The following TRHDE variants were observed in gnomAD, a reference collection of about 807,000 sequenced individuals.
TRHDE encodes the protein thyrotropin releasing hormone degrading enzyme.
In TRHDE, 72 loss-of-function variants were observed where a neutral mutation model predicts 125.7. The observed-to-expected ratio is 0.57, with a 90% CI of 0.47 to 0.70. The LOEUF is 0.70. Among genes scored for constraint, TRHDE ranks in the 30% least tolerant of loss-of-function variants. TRHDE has a pLI of 0.00. For synonymous variants in TRHDE, 509 were observed against 509.1 expected (o/e 1.00, Z 0.00); for missense variants, 1,110 against 1,327.1 (o/e 0.84, Z 2.54).
intron 1 of TRHDE, among the ~76,000 whole-genome samples, chr12:72,089,561 T>C (rs1874744533): frequency 6.6e-6 from 1 of 152,178 alleles, no homozygotes; most frequent in Non-Finnish European, 1.5e-5. Flanking sequence ...ATGCTCTTCC[T>C]TCATGTATTT....
In TRHDE at chr12:72,614,325, TA is replaced by T. The variant is rs1872734794; in HGVS notation, c.2322-4565del. 7.5e-5 allele frequency among the ~76,000 whole-genome samples: 3 copies of T among 39,870 alleles called. No homozygotes were observed. In the South Asian group the frequency reaches 2.9e-3, roughly 39 times the overall value. The allele number at this position is 39,870 out of a possible 152,430, so 26.2% of individuals were successfully genotyped here. A position where few individuals can be genotyped will look rare whatever the true frequency, so the allele number is the denominator to read the frequency against. ...ATATATACATATGTATATATATATATATATATTTTTTTTTTCTCTAGAAACT... is the reference window on the plus strand; with the variant it reads ...ATATATACATATGTATATATATATATTATATTTTTTTTTTCTCTAGAAACT... On this transcript the variant is annotated intron_variant, in intron 12 of 18. Coordinates refer to ENST00000261180, the MANE Select transcript of TRHDE (RefSeq NM_013381.3).
chr12:72,489,488 A>G (rs1427664827), intron 5 of TRHDE, among the ~76,000 whole-genome samples: 3 of 151,884 alleles, frequency 2.0e-5, no homozygotes. Flanking sequence ...GAAATAGAAG[A>G]AAACAATTCT....
chr12:72,447,092 C>G (rs935878182), intron 3 of TRHDE, among the ~76,000 whole-genome samples: 2 of 152,120 alleles, frequency 1.3e-5, no homozygotes, highest in African/African-American at 2.4e-5. Flanking sequence ...CGCACTTATT[C>G]CGAAATTGAC....
chr12:72,300,325 G>A (rs2135685348), intron 2 of TRHDE, among the ~76,000 whole-genome samples: 1 of 150,982 alleles, frequency 6.6e-6, no homozygotes, highest in South Asian at 2.1e-4. Context: ...GACAAGAATT[G>A]TTTCCAGTGA....
At position 72,377,713 on chromosome 12, in the gene TRHDE, G is replaced by A. The variant is rs567270548; in HGVS notation, c.1189-282G>A. ...TCCTATCTCTAGCAAGCACATGTAA[G>A]TGATAACGTTGAATATTTATTTTGA... On this transcript the variant is annotated intron_variant, in intron 2 of 18. Transcript: ENST00000261180. 1.8e-4 allele frequency among the ~76,000 whole-genome samples: 27 copies of A among 152,206 alleles called. No homozygotes were observed. In the South Asian group the frequency reaches 4.8e-3, roughly 27 times the overall value.
At chr12:72,123,827 A>T (rs535602373) in intron 2 of TRHDE, among the ~76,000 whole-genome samples, 1 of 152,092 alleles carries the variant, frequency 6.6e-6, no homozygotes, top group Non-Finnish European at 1.5e-5. Context: ...ATGCCTCATT[A>T]CAATCATCCT....
rs1488872483 is a variant in TRHDE at position 72,621,206 on chromosome 12, G to A, written c.2567+1G>A. The A allele has an allele frequency of 1.9e-6, 3 of 1,595,602 alleles. No homozygotes were observed. Among genetic ancestry groups the A allele is most frequent in the South Asian group, 2.2e-5 (2 of 90,684 alleles). On this transcript the variant is annotated splice_donor_variant, in intron 14 of 18. Coordinates refer to ENST00000261180, the MANE Select transcript of TRHDE (RefSeq NM_013381.3). LOFTEE classifies it high-confidence loss of function. ...TTGTTCAAGCATCCTACCAACATGA[G>A]TACTGTTTTATTTTCTTATCCTCTT...
intron 12 of TRHDE, among the ~76,000 whole-genome samples, chr12:72,592,750 A>T (rs1445305526): frequency 6.8e-6 from 1 of 147,266 alleles, no homozygotes; most frequent in Non-Finnish European, 1.5e-5. Context: ...CACTCTTGCT[A>T]CTCAGGCTGA....
intron 12 of TRHDE, among the ~76,000 whole-genome samples, chr12:72,591,386 CACCAAATAAA>C (rs1393867773): frequency 6.6e-6 from 1 of 152,056 alleles, no homozygotes; most frequent in African/African-American, 2.4e-5. Flanking sequence ...CAATTTACCC[CACCAAATAAA>C]ATATAGAAAT....
chr12:72,540,422 G>T (rs1463005451), intron 6 of TRHDE, among the ~76,000 whole-genome samples: 1 of 151,658 alleles, frequency 6.6e-6, no homozygotes, highest in African/African-American at 2.4e-5. Flanking sequence ...TGATCAGAAA[G>T]CATTCTTGTG....
intron 1 of TRHDE, among the ~76,000 whole-genome samples, chr12:72,280,240 C>A (rs972805849): frequency 1.3e-5 from 2 of 152,098 alleles, no homozygotes; most frequent in Non-Finnish European, 2.9e-5. Flanking sequence ...TAATGATATT[C>A]TATTGTACAG....
chr12:72,538,176 T>A (rs1868962242), intron 6 of TRHDE, among the ~76,000 whole-genome samples: 1 of 152,014 alleles, frequency 6.6e-6, no homozygotes, highest in Non-Finnish European at 1.5e-5. Context: ...TGAATTTGCT[T>A]CTAGCTTTCT....
chr12:72,266,284 A>C (rs1879067544), intron 2 of TRHDE, among the ~76,000 whole-genome samples: 1 of 151,982 alleles, frequency 6.6e-6, no homozygotes, highest in Non-Finnish European at 1.5e-5. Flanking sequence ...TCATGGTTTG[A>C]GAGGTGAGGC....
At position 72,095,895 on chromosome 12, in the gene TRHDE, A is replaced by G. The variant is rs577520294; in HGVS notation, n.174+8456A>G. Among the ~76,000 whole-genome samples, 30 of 152,318 alleles carry G rather than the reference A, an allele frequency of 2.0e-4. No homozygotes were observed. The Middle Eastern group carries it at 0.01, about 52-fold the overall frequency. On this transcript the variant is annotated intron_variant and non_coding_transcript_variant, in intron 1 of 4. Transcript: ENST00000548156. Reference sequence around the variant, plus strand: ...TAAATCAGTGGAATTTGAGTAAAGCAGATTGCCCTCTATAATGTGGTTGGG... The same window carrying G: ...TAAATCAGTGGAATTTGAGTAAAGCGGATTGCCCTCTATAATGTGGTTGGG...
intron 2 of TRHDE, among the ~76,000 whole-genome samples, chr12:72,227,885 C>T (rs1441576353): frequency 1.3e-5 from 2 of 152,190 alleles, no homozygotes; most frequent in Non-Finnish European, 2.9e-5. Context: ...AAATGATCTT[C>T]TTTGGCTCCA....
chr12:72,310,687 A>G (rs979910439), intron 2 of TRHDE, among the ~76,000 whole-genome samples: 5 of 152,076 alleles, frequency 3.3e-5, no homozygotes, highest in East Asian at 3.9e-4. Context: ...GAAGAAAAAA[A>G]ATATTGGCGA....
chr12:72,110,121 G>T (rs1368110332), intron 2 of TRHDE, among the ~76,000 whole-genome samples: 1 of 152,094 alleles, frequency 6.6e-6, no homozygotes, highest in South Asian at 2.1e-4. Context: ...CTGGGAATCT[G>T]CAAGTTTAAG....
intron 3 of TRHDE, 22 bp downstream of exon 3, chr12:72,378,143 T>G: frequency 6.4e-7 from 1 of 1,566,306 alleles, no homozygotes; most frequent in Non-Finnish European, 8.6e-7. Context: ...CTTGGTTATT[T>G]TATTGGAAGG....
At chr12:72,612,467 C>T (rs1872665936) in intron 12 of TRHDE, among the ~76,000 whole-genome samples, 1 of 152,166 alleles carries the variant, frequency 6.6e-6, no homozygotes, top group Non-Finnish European at 1.5e-5. Context: ...TGAGAGGTTG[C>T]CTCATGGGGT....
Sources: allele counts gnomAD v4.1 joint callset (sites outside exome capture counted in the v4.1 genomes callset), GRCh38; gene constraint gnomAD v4.1.1; transcripts MANE v1.5; gene names NCBI Gene and HGNC (gene_info 2026-07-23, HGNC 2026-07-21).